TBL1XR1: variants seen among roughly 807,000 people sequenced by gnomAD.
TBL1XR1 encodes the protein TBL1X/Y related 1.
TBL1XR1 carries 5 observed loss-of-function variants against 66.9 expected under a neutral mutation model. The observed-to-expected ratio is 0.07, with a 90% CI of 0.04 to 0.16. The LOEUF (loss-of-function observed/expected upper bound fraction) is 0.16. TBL1XR1 is among the 10% of genes least tolerant of loss of function. The pLI, the probability that TBL1XR1 is intolerant of heterozygous loss-of-function variation, is 1.00. For synonymous variants in TBL1XR1, 210 were observed against 206.0 expected (o/e 1.02, Z -0.17); for missense variants, 238 against 623.2 (o/e 0.38, Z 6.58).
intron 1 of TBL1XR1, chr3:177,131,219 A>C (rs887701813): frequency 2.6e-6 from 1 of 378,706 alleles, no homozygotes; most frequent in Non-Finnish European, 3.6e-6. Flanking sequence ...AAGAGAACAT[A>C]CTGAATGCCT....
intron 1 of TBL1XR1, among the ~76,000 whole-genome samples, chr3:177,180,428 CAAA>C (rs1200245270): frequency 2.2e-5 from 3 of 138,520 alleles, no homozygotes; most frequent in Non-Finnish European, 4.6e-5. Flanking sequence ...CAGAGGAAAA[CAAA>C]AATGTTACTC....
chr3:177,122,939 T>C (rs1340946591), intron 1 of TBL1XR1, among the ~76,000 whole-genome samples: 1 of 152,096 alleles, frequency 6.6e-6, no homozygotes, highest in Non-Finnish European at 1.5e-5. Flanking sequence ...ATTCAAGTAA[T>C]AGAACTGTTA....
At chr3:177,183,051 T>C (rs1735013384) in intron 1 of TBL1XR1, among the ~76,000 whole-genome samples, 1 of 152,160 alleles carries the variant, frequency 6.6e-6, no homozygotes, top group Non-Finnish European at 1.5e-5. Flanking sequence ...CCTTACAAAA[T>C]TGAGGCACCA....
chr3:177,200,943 G>T (rs1424777508), upstream of TBL1XR1, among the ~76,000 whole-genome samples: 3 of 151,980 alleles, frequency 2.0e-5, no homozygotes, highest in Non-Finnish European at 4.4e-5. Flanking sequence ...GGAGGCGGAG[G>T]TTGCAGTGAG....
At chr3:177,196,206 C>G (rs1736824899) in intron 1 of TBL1XR1, 1 of 152,072 alleles carries the variant, frequency 6.6e-6, no homozygotes, top group Admixed American at 6.6e-5. Flanking sequence ...GATTAATATT[C>G]CACTTAAATA....
chr3:177,155,004 T>G (rs992532474), intron 1 of TBL1XR1, among the ~76,000 whole-genome samples: 1 of 152,072 alleles, frequency 6.6e-6, no homozygotes, highest in Admixed American at 6.6e-5. Flanking sequence ...GATAAACATA[T>G]TCCTAAAGTA....
chr3:177,087,944 A>G (rs986263222), intron 2 of TBL1XR1, among the ~76,000 whole-genome samples: 9 of 152,176 alleles, frequency 5.9e-5, no homozygotes, highest in African/African-American at 2.2e-4. Flanking sequence ...GCCAGATAAT[A>G]TTCAGTGATA....
At position 177,019,984 on chromosome 3, in the gene TBL1XR1, T is replaced by C. The variant is rs1315726723; in HGVS notation, c.*5514A>G. 3 of 128,182 alleles carry C rather than the reference T, an allele frequency of 2.3e-5. No homozygotes were observed. The Admixed American group carries it at 2.5e-4, about 11-fold the overall frequency. The allele number at this position is 128,182 out of a possible 1,614,324, so 7.9% of individuals were successfully genotyped here. A position where few individuals can be genotyped will look rare whatever the true frequency, so the allele number is the denominator to read the frequency against. On this transcript the variant is annotated 3_prime_UTR_variant, in exon 16 of 16. Transcript: ENST00000457928. ...TAGAAGACCTAGAGAGTGTAAATTCTTAAAAAAAAAAAAAAGAAAATATGC... is the reference window on the plus strand; with the variant it reads ...TAGAAGACCTAGAGAGTGTAAATTCCTAAAAAAAAAAAAAAGAAAATATGC...
chr3:177,101,544 A>G (rs1209034), intron 1 of TBL1XR1, among the ~76,000 whole-genome samples: 50,676 of 152,000 alleles, frequency 0.33, 8,730 homozygotes, highest in East Asian at 0.53. Flanking sequence ...GGGACTGGCC[A>G]CTTTATAAGA....
chr3:177,124,876 T>C (rs975356714), intron 1 of TBL1XR1, among the ~76,000 whole-genome samples: 1 of 151,892 alleles, frequency 6.6e-6, no homozygotes, highest in African/African-American at 2.4e-5. Context: ...AACAGCTAAA[T>C]GCAAAAGAAA....
At chr3:177,151,671 A>C (rs760367517) in intron 1 of TBL1XR1, among the ~76,000 whole-genome samples, 11 of 152,202 alleles carry the variant, frequency 7.2e-5, no homozygotes, top group Non-Finnish European at 1.5e-4. Context: ...GTCCTCCAGA[A>C]CACCTGAGGC....
intron 1 of TBL1XR1, among the ~76,000 whole-genome samples, chr3:177,190,927 A>G (rs771253433): frequency 1.3e-4 from 20 of 152,190 alleles, no homozygotes; most frequent in Non-Finnish European, 2.9e-4. Flanking sequence ...CAGTTATGGG[A>G]TTTGTGATCT....
At chr3:177,159,647 G>T (rs377213524) in intron 1 of TBL1XR1, among the ~76,000 whole-genome samples, 5 of 152,110 alleles carry the variant, frequency 3.3e-5, no homozygotes, top group African/African-American at 1.2e-4. Flanking sequence ...CAAAAATCAG[G>T]TAGGAAAAGA....
chr3:177,087,544 C>T (rs1177611921), intron 2 of TBL1XR1, among the ~76,000 whole-genome samples: 1 of 151,920 alleles, frequency 6.6e-6, no homozygotes, highest in Non-Finnish European at 1.5e-5. Flanking sequence ...TTCTATGAAC[C>T]AGGAATAAAT....
intron 2 of TBL1XR1, among the ~76,000 whole-genome samples, chr3:177,072,575 G>A (rs1370329868): frequency 1.3e-5 from 2 of 152,060 alleles, no homozygotes; most frequent in African/African-American, 2.4e-5. Flanking sequence ...AATATGCTGT[G>A]TGTGTAACAA....
chr3:177,040,099 T>C (rs1305509888), intron 10 of TBL1XR1, among the ~76,000 whole-genome samples: 1 of 152,128 alleles, frequency 6.6e-6, no homozygotes, highest in African/African-American at 2.4e-5. Context: ...AGGAGAACTG[T>C]TTGAGCCCAG....
At chr3:177,170,273 C>A (rs1733301230) in intron 1 of TBL1XR1, among the ~76,000 whole-genome samples, 1 of 152,126 alleles carries the variant, frequency 6.6e-6, no homozygotes, top group Non-Finnish European at 1.5e-5. Context: ...TCACTACCTC[C>A]AACTCCCACA....
At chr3:177,159,929 G>A (rs1366911052) in intron 1 of TBL1XR1, among the ~76,000 whole-genome samples, 1 of 152,140 alleles carries the variant, frequency 6.6e-6, no homozygotes, top group Non-Finnish European at 1.5e-5. Context: ...AATAGGTCAA[G>A]GTCGTTAATA....
chr3:177,190,744 AAAG>A (rs1488362984), intron 1 of TBL1XR1, among the ~76,000 whole-genome samples: 3 of 152,236 alleles, frequency 2.0e-5, no homozygotes, highest in African/African-American at 4.8e-5. Context: ...TCTAACTCAA[AAAG>A]AAGATGCTGC....
Sources: gnomAD v4.1 joint callset for allele counts (sites outside exome capture counted in the v4.1 genomes callset) on GRCh38, gnomAD v4.1.1 for gene constraint, MANE v1.5 for transcripts, NCBI Gene and HGNC (gene_info 2026-07-23, HGNC 2026-07-21) for gene names.